Variants in CACNA1E observed in about 807,000 individuals in gnomAD.
CACNA1E encodes voltage-dependent R-type calcium channel subunit alpha-1E.
Under a neutral mutation model 259.2 loss-of-function variants are expected in CACNA1E, and 40 were observed. The ratio of observed to expected loss-of-function variants is 0.15; its 90% confidence interval spans 0.12 to 0.20. CACNA1E has a LOEUF of 0.20. Ranked by LOEUF, CACNA1E falls within the 10% of genes least tolerant of loss-of-function variation. The probability of loss-of-function intolerance (pLI) is 1.00; values close to 1 mark genes in which losing one functional copy is unlikely to be tolerated. For missense variants in CACNA1E, 1,874 were observed against 3,040.1 expected (o/e 0.62, Z 9.02); for synonymous variants, 1,104 against 1,138.5 (o/e 0.97, Z 0.61).
intron 6 of CACNA1E, among the ~76,000 whole-genome samples, chr1:181,624,127 A>G (rs531216022): frequency 1.1e-4 from 17 of 152,244 alleles, no homozygotes; most frequent in African/African-American, 3.6e-4. Context: ...GCTCTTAAAA[A>G]TTCTAGACAG....
In CACNA1E at chr1:181,495,927, A is replaced by G. The variant is rs186077767; in HGVS notation, c.266+11917A>G. On this transcript the variant is annotated intron_variant, in intron 1 of 47. Coordinates refer to ENST00000367573, the MANE Select transcript of CACNA1E (RefSeq NM_001205293.3). ...GTTATTGCATTGATTCTTCATGACA[A>G]TCCTACAGAGATAGGCATTCTTGTT... 3.4e-4 allele frequency among the ~76,000 whole-genome samples: 52 copies of G among 152,316 alleles called. 1 individual carries two copies. The East Asian group carries it at 6.4e-3, about 19-fold the overall frequency.
chr1:181,346,132 G>C (rs1338192424), intron 1 of CACNA1E, among the ~76,000 whole-genome samples: 1 of 152,250 alleles, frequency 6.6e-6, no homozygotes, highest in Admixed American at 6.5e-5. Context: ...AGGTCAGCGA[G>C]GGCCGAGGGT....
At chr1:181,751,001 A>G (rs933514861) in intron 26 of CACNA1E, among the ~76,000 whole-genome samples, 4 of 151,984 alleles carry the variant, frequency 2.6e-5, no homozygotes, top group Non-Finnish European at 5.9e-5. Context: ...GGGGGTAGGT[A>G]TCGCAGGAAG....
At chr1:181,687,811 A>G (rs547202549) in intron 7 of CACNA1E, among the ~76,000 whole-genome samples, 18 of 152,140 alleles carry the variant, frequency 1.2e-4, no homozygotes, top group South Asian at 1.0e-3. Flanking sequence ...TATTTCCCCC[A>G]TTATTTCAAT....
intron 3 of CACNA1E, among the ~76,000 whole-genome samples, chr1:181,576,325 C>T (rs1025294241): frequency 2.6e-5 from 4 of 152,182 alleles, no homozygotes; most frequent in African/African-American, 9.7e-5. Context: ...AGGTAGCTCC[C>T]GGATACTTGG....
intron 1 of CACNA1E, among the ~76,000 whole-genome samples, chr1:181,378,702 G>C (rs1307576975): frequency 1.3e-5 from 2 of 152,188 alleles, no homozygotes; most frequent in Non-Finnish European, 2.9e-5. Context: ...GACATAAATA[G>C]TGCCTATTCT....
At chr1:181,332,368 G>A (rs1465983859) in intron 1 of CACNA1E, among the ~76,000 whole-genome samples, 2 of 152,110 alleles carry the variant, frequency 1.3e-5, no homozygotes, top group Admixed American at 6.5e-5. Flanking sequence ...GTTACCCTGA[G>A]CTTAAAATAA....
At chr1:181,599,680 G>C (rs1199308186) in intron 6 of CACNA1E, among the ~76,000 whole-genome samples, 1 of 152,228 alleles carries the variant, frequency 6.6e-6, no homozygotes. Context: ...GTGGCATGTA[G>C]TAGGTGCTTA....
intron 1 of CACNA1E, among the ~76,000 whole-genome samples, chr1:181,407,327 T>C (rs1657537672): frequency 6.6e-6 from 1 of 152,194 alleles, no homozygotes; most frequent in East Asian, 1.9e-4. Flanking sequence ...TGATATAGAC[T>C]GGAAATGATT....
intron 1 of CACNA1E, among the ~76,000 whole-genome samples, chr1:181,376,885 G>A (rs1655135243): frequency 6.6e-6 from 1 of 152,128 alleles, no homozygotes; most frequent in African/African-American, 2.4e-5. Context: ...GTACCCCTGA[G>A]GCTGTCAGGG....
intron 1 of CACNA1E, among the ~76,000 whole-genome samples, chr1:181,397,134 A>G (rs1464541160): frequency 6.6e-6 from 1 of 152,204 alleles, no homozygotes; most frequent in Non-Finnish European, 1.5e-5. Flanking sequence ...CACAGTAAAA[A>G]AGGGCAGAGG....
At chr1:181,537,707 A>G (rs1478011864) in intron 3 of CACNA1E, among the ~76,000 whole-genome samples, 1 of 152,152 alleles carries the variant, frequency 6.6e-6, no homozygotes, top group Non-Finnish European at 1.5e-5. Flanking sequence ...TTCTCAGTTA[A>G]TATTTGAAAT....
At chr1:181,355,172 C>T (rs1280978333) in intron 1 of CACNA1E, among the ~76,000 whole-genome samples, 2 of 152,192 alleles carry the variant, frequency 1.3e-5, no homozygotes, top group African/African-American at 4.8e-5. Flanking sequence ...CTGGTCCCAC[C>T]GTGAACTAAT....
At chr1:181,424,558 G>T (rs758039037) in intron 2 of CACNA1E, among the ~76,000 whole-genome samples, 10 of 152,250 alleles carry the variant, frequency 6.6e-5, no homozygotes, top group Non-Finnish European at 1.0e-4. Context: ...CCTGTACTGG[G>T]AAGGAGGGGG....
intron 1 of CACNA1E, among the ~76,000 whole-genome samples, chr1:181,489,087 C>T (rs1664090852): frequency 6.6e-6 from 1 of 152,170 alleles, no homozygotes; most frequent in South Asian, 2.1e-4. Flanking sequence ...ACAGGGCTGC[C>T]TGGAAAGCTA....
chr1:181,761,568 T>C (rs1167939566), intron 32 of CACNA1E, among the ~76,000 whole-genome samples: 1 of 152,250 alleles, frequency 6.6e-6, no homozygotes, highest in Non-Finnish European at 1.5e-5. Flanking sequence ...GTGATGTTGC[T>C]GAGGATATCA....
chr1:181,567,193 G>A (rs1649928004), intron 3 of CACNA1E, among the ~76,000 whole-genome samples: 1 of 152,106 alleles, frequency 6.6e-6, no homozygotes, highest in African/African-American at 2.4e-5. Flanking sequence ...ATTTAATTAT[G>A]AATGCCATTT....
chr1:181,556,667 A>G (rs1445887855), intron 3 of CACNA1E, among the ~76,000 whole-genome samples: 1 of 152,172 alleles, frequency 6.6e-6, no homozygotes, highest in Non-Finnish European at 1.5e-5. Flanking sequence ...ATTTGCTTAG[A>G]GGGTGCATGG....
intron 1 of CACNA1E, among the ~76,000 whole-genome samples, chr1:181,375,936 T>A (rs1655071236): frequency 6.6e-6 from 1 of 152,222 alleles, no homozygotes; most frequent in South Asian, 2.1e-4. Flanking sequence ...AAATTATTTA[T>A]AACTTACTAG....
Sources: gnomAD v4.1 joint callset for allele counts (sites outside exome capture counted in the v4.1 genomes callset) on GRCh38, gnomAD v4.1.1 for gene constraint, MANE v1.5 for transcripts, NCBI Gene and HGNC (gene_info 2026-07-23, HGNC 2026-07-21) for gene names.